Variants in PRKCB observed in about 807,000 individuals in gnomAD.
PRKCB encodes protein kinase C beta.
PRKCB carries 13 observed loss-of-function variants against 81.5 expected under a neutral mutation model. The ratio of observed to expected loss-of-function variants is 0.16; its 90% confidence interval spans 0.10 to 0.25. PRKCB has a LOEUF of 0.25. Among genes scored for constraint, PRKCB ranks in the 10% least tolerant of loss-of-function variants. The probability of loss-of-function intolerance (pLI) is 1.00; values close to 1 mark genes in which losing one functional copy is unlikely to be tolerated. For synonymous variants in PRKCB, 335 were observed against 321.4 expected (o/e 1.04, Z -0.45); for missense variants, 509 against 875.7 (o/e 0.58, Z 5.29).
At chr16:23,836,451 T>A in intron 1 of PRKCB, 103 bp downstream of exon 1, 1 of 1,463,350 alleles carries the variant, frequency 6.8e-7, no homozygotes, top group Non-Finnish European at 9.1e-7. Flanking sequence ...CTCCGCACCC[T>A]GGGACCCCGC....
chr16:24,145,113 GCA>G (rs1001899670), intron 9 of PRKCB, among the ~76,000 whole-genome samples: 1 of 152,170 alleles, frequency 6.6e-6, no homozygotes, highest in Non-Finnish European at 1.5e-5. Context: ...AGATGAGGGA[GCA>G]AACTGTTGAG....
rs938476105 is a variant in PRKCB, at chr16:24,149,123, T to G, written c.1066-5561T>G. Among the ~76,000 whole-genome samples, 9 of 152,252 alleles carry G rather than the reference T, an allele frequency of 5.9e-5. No individual in the cohort carries two copies. The South Asian group carries it at 8.3e-4, about 14-fold the overall frequency. Reference sequence around the variant, plus strand: ...ACCAGGGTTTCTTCATGGGGTCTTGTTCCCTGGTCTAGCATTGTGTCTTGG... The same window carrying G: ...ACCAGGGTTTCTTCATGGGGTCTTGGTCCCTGGTCTAGCATTGTGTCTTGG... On this transcript the variant is annotated intron_variant, in intron 9 of 16. Coordinates refer to ENST00000643927, the MANE Select transcript of PRKCB (RefSeq NM_002738.7).
intron 2 of PRKCB, among the ~76,000 whole-genome samples, chr16:23,919,442 G>T (rs1423760612): frequency 6.6e-6 from 1 of 151,244 alleles, no homozygotes; most frequent in African/African-American, 2.4e-5. Flanking sequence ...ACCGGATAGG[G>T]TTCCTGAATA....
intron 5 of PRKCB, among the ~76,000 whole-genome samples, chr16:24,057,057 A>T (rs1188694032): frequency 1.3e-5 from 2 of 152,170 alleles, no homozygotes; most frequent in African/African-American, 2.4e-5. Flanking sequence ...GGTGTCTATG[A>T]TCAGGGCTCA....
intron 5 of PRKCB, among the ~76,000 whole-genome samples, chr16:24,045,000 C>T (rs759436644): frequency 3.9e-5 from 6 of 152,052 alleles, no homozygotes; most frequent in Non-Finnish European, 4.4e-5. Context: ...ACACTGGGAT[C>T]GCAGCAGGAT....
chr16:24,208,349 G>A (rs918528857), intron 16 of PRKCB: 1 of 152,184 alleles, frequency 6.6e-6, no homozygotes, highest in African/African-American at 2.4e-5. Context: ...TCAACAGCAA[G>A]ACTCTGTTAT....
intron 5 of PRKCB, among the ~76,000 whole-genome samples, chr16:24,071,594 A>C (rs192933065): frequency 2.1e-4 from 32 of 151,998 alleles, no homozygotes; most frequent in Non-Finnish European, 3.7e-4. Flanking sequence ...TCTACTTGTG[A>C]TTGGGGGTAA....
At chr16:24,176,986 C>A (rs1014338270) in intron 12 of PRKCB, among the ~76,000 whole-genome samples, 4 of 151,880 alleles carry the variant, frequency 2.6e-5, no homozygotes, top group African/African-American at 9.7e-5. Context: ...ACCAAAGAGA[C>A]AGGCATCATG....
rs906133899 is a variant in PRKCB at position 24,219,475 on chromosome 16, T to A, written c.*4659T>A. On this transcript the variant is annotated 3_prime_UTR_variant, in exon 17 of 17. Transcript: ENST00000643927. The stretch of plus-strand genomic sequence containing the variant: ...TTCTCCACATGGCCATTCTGCCTTC[T>A]TGGGGGCAGAGTAGATGGGCAGCAG... The A allele has an allele frequency of 1.0e-6, 1 of 986,632 alleles. No homozygotes were observed. Among genetic ancestry groups the A allele is most frequent in the Non-Finnish European group, 1.2e-6 (1 of 830,916 alleles). 61.1% of individuals were successfully genotyped at this position (986,632 alleles called of 1,614,324 possible). A position where few individuals can be genotyped will look rare whatever the true frequency, so the allele number is the denominator to read the frequency against.
At chr16:24,107,512 C>T (rs189653211) in intron 7 of PRKCB, among the ~76,000 whole-genome samples, 1 of 152,318 alleles carries the variant, frequency 6.6e-6, no homozygotes, top group Non-Finnish European at 1.5e-5. Flanking sequence ...ACAGTGGAGA[C>T]AGGTCCATAA....
At chr16:23,873,918 A>G (rs1597220734) in intron 2 of PRKCB, among the ~76,000 whole-genome samples, 1 of 152,140 alleles carries the variant, frequency 6.6e-6, no homozygotes, top group Admixed American at 6.5e-5. Flanking sequence ...TAGCACATTT[A>G]CCTCTAATGA....
At position 23,975,718 on chromosome 16, in the gene PRKCB, C is replaced by CT. The variant is rs367792852; in HGVS notation, c.206-12789dup. On this transcript the variant is annotated intron_variant, in intron 2 of 16. Coordinates refer to ENST00000643927, the MANE Select transcript of PRKCB (RefSeq NM_002738.7). ...CAGTATGGACTGATGGAATTGAGTG[C>CT]TAGTAACACCAAGCTCCTAAATAAT... is the stretch of plus-strand genomic sequence containing the variant. 2.2e-3 allele frequency among the ~76,000 whole-genome samples: 329 copies of CT among 152,262 alleles called. 2 individuals are homozygous for CT. The highest frequency in any genetic ancestry group is 7.3e-3 in the African/African-American group (304 of 41,550).
At chr16:24,113,666 G>T (rs1966705380) in intron 8 of PRKCB, among the ~76,000 whole-genome samples, 1 of 151,294 alleles carries the variant, frequency 6.6e-6, no homozygotes. Context: ...AGTTAGGTTT[G>T]CTGCTGTGCT....
chr16:24,020,247 C>G (rs1965340949), intron 3 of PRKCB, among the ~76,000 whole-genome samples: 1 of 151,978 alleles, frequency 6.6e-6, no homozygotes, highest in African/African-American at 2.4e-5. Flanking sequence ...CATATTGATC[C>G]CATGAGTTCA....
intron 3 of PRKCB, among the ~76,000 whole-genome samples, chr16:24,031,535 G>A (rs1290702402): frequency 6.6e-6 from 1 of 152,288 alleles, no homozygotes; most frequent in East Asian, 1.9e-4. Flanking sequence ...GCCTCTATCT[G>A]GATAGCCATG....
intron 2 of PRKCB, among the ~76,000 whole-genome samples, chr16:23,888,103 T>A (rs971911556): frequency 2.0e-5 from 3 of 152,230 alleles, no homozygotes; most frequent in African/African-American, 7.2e-5. Context: ...CTTCTTTGTT[T>A]TCCCAGCTTG....
Position 24,122,468 on chromosome 16 carries a change from T to TTTTTTTTTTTTTTTTTTTTTTTTC in PRKCB, c.919-1367_919-1366insTTTTTTTTTTTTTTTTTTTTTTTC, listed in dbSNP as rs1555498212. On this transcript the variant is annotated intron_variant, in intron 8 of 16. Coordinates refer to ENST00000643927, the MANE Select transcript of PRKCB (RefSeq NM_002738.7). ...ACGAGGCTTTTTTTTTTTTTTTTTT[T>TTTTTTTTTTTTTTTTTTTTTTTTC]AGTGAGAGAGAGATGGGATCTCACT... is the stretch of plus-strand genomic sequence containing the variant. Among the ~76,000 whole-genome samples, 3 of 138,992 alleles carry TTTTTTTTTTTTTTTTTTTTTTTTC rather than the reference T, an allele frequency of 2.2e-5. 1 individual carries two copies. The highest frequency in any genetic ancestry group is 9.9e-5 in the African/African-American group (3 of 30,348). 91.2% of individuals were successfully genotyped at this position (138,992 alleles called of 152,430 possible). A position where few individuals can be genotyped will look rare whatever the true frequency, so the allele number is the denominator to read the frequency against.
At position 24,220,102 on chromosome 16, in the gene PRKCB, A is replaced by T. The variant is rs781115157; in HGVS notation, c.*5286A>T. The T allele has an allele frequency of 3.1e-6, 5 of 1,614,130 alleles. No individual in the cohort carries two copies. Among genetic ancestry groups the T allele is most frequent in the Non-Finnish European group, 4.2e-6 (5 of 1,179,998 alleles). On this transcript the variant is annotated 3_prime_UTR_variant, in exon 17 of 17. Coordinates refer to ENST00000643927, the MANE Select transcript of PRKCB (RefSeq NM_002738.7). ...CTCTTATACTAACCCAGAGTTTGTC[A>T]TTAATGTGTAGGTGAATGCAAACTC...
At chr16:24,162,733 C>T (rs1967278957) in intron 10 of PRKCB, among the ~76,000 whole-genome samples, 1 of 152,066 alleles carries the variant, frequency 6.6e-6, no homozygotes, top group South Asian at 2.1e-4. Context: ...GAATTACAGG[C>T]ATGAGCCACC....
Sources: gnomAD v4.1 joint callset for allele counts (sites outside exome capture counted in the v4.1 genomes callset) on GRCh38, gnomAD v4.1.1 for gene constraint, MANE v1.5 for transcripts, NCBI Gene and HGNC (gene_info 2026-07-23, HGNC 2026-07-21) for gene names.